GABRA3: variants seen among roughly 807,000 people sequenced by gnomAD.
GABRA3 encodes gamma-aminobutyric acid receptor subunit alpha-3.
GABRA3 carries 10 observed loss-of-function variants against 30.1 expected under a neutral mutation model. That is an observed-to-expected ratio of 0.33 (90% CI 0.20 to 0.56). The LOEUF (loss-of-function observed/expected upper bound fraction) is 0.56, where lower values mean the gene tolerates loss of function less well. Ranked by LOEUF, GABRA3 falls within the 20% of genes least tolerant of loss-of-function variation. The pLI, the probability that GABRA3 is intolerant of heterozygous loss-of-function variation, is 0.89. For missense variants in GABRA3, 233 were observed against 392.0 expected, an observed-to-expected ratio of 0.59 and a Z score of 3.42; for synonymous variants, 151 against 146.8, an observed-to-expected ratio of 1.03 and a Z score of -0.21.
chrX:152,353,623 G>A (rs1940509717), intron 2 of GABRA3, among the ~76,000 whole-genome samples: 1 of 111,525 alleles, frequency 9.0e-6, no homozygotes. Flanking sequence ...TGACACAAAA[G>A]AAAAGAAAAC....
chrX:152,330,177 A>T (rs1399326255), intron 3 of GABRA3, among the ~76,000 whole-genome samples: 1 of 112,024 alleles, frequency 8.9e-6, no homozygotes, highest in Admixed American at 9.5e-5. Flanking sequence ...TAGAATGGGG[A>T]TCATTAAAAA....
chrX:152,355,738 T>C (rs947133681), intron 2 of GABRA3, among the ~76,000 whole-genome samples: 3 of 111,761 alleles, frequency 2.7e-5, no homozygotes, highest in South Asian at 3.7e-4. Flanking sequence ...ATTATGAAAA[T>C]TGCTGATATT....
At chrX:152,204,216 C>T (rs190184769) in intron 7 of GABRA3, among the ~76,000 whole-genome samples, 2 of 111,549 alleles carry the variant, frequency 1.8e-5, no homozygotes, top group Admixed American at 9.5e-5. Context: ...GCAGTATAAG[C>T]ACATTATTTA....
intron 1 of GABRA3, among the ~76,000 whole-genome samples, chrX:152,387,310 G>A (rs915936239): frequency 3.6e-5 from 4 of 110,512 alleles, no homozygotes; most frequent in African/African-American, 1.3e-4. Context: ...TAATAAAGAA[G>A]CCACAAAGGA....
intron 5 of GABRA3, among the ~76,000 whole-genome samples, chrX:152,247,357 C>T (rs1375475022): frequency 9.0e-6 from 1 of 111,611 alleles, no homozygotes; most frequent in African/African-American, 3.3e-5. Context: ...TCCTGAGTTC[C>T]AGACCTGCAT....
intron 7 of GABRA3, among the ~76,000 whole-genome samples, chrX:152,199,103 CT>C (rs772429857): frequency 6.4e-5 from 7 of 109,695 alleles, no homozygotes; most frequent in East Asian, 3.0e-4. Flanking sequence ...TGGCTCAAGC[CT>C]GCCTGTAATC....
At chrX:152,263,336 C>A (rs981456399) in intron 4 of GABRA3, among the ~76,000 whole-genome samples, 3 of 110,367 alleles carry the variant, frequency 2.7e-5, no homozygotes, top group African/African-American at 9.9e-5. Context: ...CAATAACACA[C>A]AGAGAAGGAA....
rs188501977 is a variant in GABRA3, at chrX:152,216,070, A to G, written c.635-7926T>C. Reference sequence around the variant, plus strand: ...ACCCTGGTTAGAATGACTATTATCAAAAAGACAAAAGAGAACAAGTGCTGG... The same window carrying G: ...ACCCTGGTTAGAATGACTATTATCAGAAAGACAAAAGAGAACAAGTGCTGG... On this transcript the variant is annotated intron_variant, in intron 6 of 9. Coordinates refer to ENST00000370314, the MANE Select transcript of GABRA3 (RefSeq NM_000808.4). Among the ~76,000 whole-genome samples, 8 of 110,788 alleles carry G rather than the reference A, an allele frequency of 7.2e-5. No homozygotes were observed. In the East Asian group the frequency reaches 2.3e-3, roughly 32 times the overall value.
intron 1 of GABRA3, among the ~76,000 whole-genome samples, chrX:152,410,197 G>T (rs1252682777): frequency 9.0e-6 from 1 of 111,720 alleles, no homozygotes; most frequent in East Asian, 2.8e-4. Flanking sequence ...ATAAAGAGTA[G>T]AATGAGGGTT....
At chrX:152,436,854 CA>C (rs1016054302) in intron 1 of GABRA3, among the ~76,000 whole-genome samples, 1 of 110,840 alleles carries the variant, frequency 9.0e-6, no homozygotes, top group African/African-American at 3.3e-5. Flanking sequence ...GCAAAAGGTA[CA>C]AGTCATAATA....
rs904085856 is a variant in GABRA3, at chrX:152,380,870, G to C, written c.-26-16274C>G. ...AGCTTATACTGAGATCTGATGCCCA[G>C]TGTGGCAGTGTTGGGAGGTGGGGTC... On this transcript the variant is annotated intron_variant, in intron 1 of 9. Transcript: ENST00000370314. Among the ~76,000 whole-genome samples the C allele has an allele frequency of 5.4e-5, 6 of 111,820 alleles. 1 individual carries two copies. Among genetic ancestry groups the C allele is most frequent in the African/African-American group, 1.6e-4 (5 of 30,725 alleles).
At chrX:152,290,490 T>A (rs1029463587) in intron 3 of GABRA3, among the ~76,000 whole-genome samples, 9 of 112,066 alleles carry the variant, frequency 8.0e-5, no homozygotes, top group African/African-American at 2.9e-4. Context: ...GATAGTTTCT[T>A]TTGCTGTGCA....
chrX:152,224,779 T>C lies in GABRA3; in HGVS notation c.618A>G (p.Pro206=). 1.7e-6 allele frequency: 2 copies of C among 1,189,656 alleles called. No homozygotes were observed. The highest frequency in any genetic ancestry group is 2.3e-6 in the Non-Finnish European group (2 of 879,436). ...AATACATACAGCTTCCAAACTTCAG[T>C]GGGCAGGCATGCACATCCATGGGAA... ...EDFPMDVHAC[P]LKFGSYAYTT... is the part of the protein sequence containing the mutation. The change falls in exon 6 of 10, where the codon CCA becomes CCG. Residue 206 remains proline, a synonymous_variant. Transcript: ENST00000370314.
chrX:152,243,063 G>A (rs1822261961), intron 5 of GABRA3, among the ~76,000 whole-genome samples: 1 of 111,702 alleles, frequency 9.0e-6, no homozygotes, highest in Admixed American at 9.5e-5. Flanking sequence ...TGCCACTTGC[G>A]ACAACATGGA....
chrX:152,345,081 T>C (rs1407119985), intron 3 of GABRA3, among the ~76,000 whole-genome samples: 3 of 111,554 alleles, frequency 2.7e-5, no homozygotes, highest in Non-Finnish European at 3.8e-5. Context: ...GGCTGATATA[T>C]GCTCAGGGTT....
intron 3 of GABRA3, among the ~76,000 whole-genome samples, chrX:152,296,820 C>T (rs1939537413): frequency 9.1e-6 from 1 of 110,023 alleles, no homozygotes; most frequent in South Asian, 4.0e-4. Context: ...CTTCCTCAGC[C>T]TCCCAAGTAG....
chrX:152,202,449 C>A (rs1271129971), intron 7 of GABRA3, among the ~76,000 whole-genome samples: 1 of 111,861 alleles, frequency 8.9e-6, no homozygotes, highest in Admixed American at 9.5e-5. Flanking sequence ...CATCTCCTTC[C>A]TTTAGGTAAC....
intron 3 of GABRA3, among the ~76,000 whole-genome samples, chrX:152,345,200 A>T (rs192086794): frequency 9.0e-6 from 1 of 111,263 alleles, no homozygotes; most frequent in African/African-American, 3.3e-5. Flanking sequence ...TGAGGGAGAG[A>T]TGCTCCTCAA....
intron 5 of GABRA3, among the ~76,000 whole-genome samples, chrX:152,249,684 C>T (rs902738249): frequency 9.0e-6 from 1 of 110,873 alleles, no homozygotes; most frequent in Non-Finnish European, 1.9e-5. Context: ...CTCCCCACCT[C>T]GGACTGCTTT....
Sources: gnomAD v4.1 joint callset for allele counts (sites outside exome capture counted in the v4.1 genomes callset) on GRCh38, gnomAD v4.1.1 for gene constraint, MANE v1.5 for transcripts, NCBI Gene and HGNC (gene_info 2026-07-23, HGNC 2026-07-21) for gene names.